GTF2IRD1: variants seen among roughly 807,000 people sequenced by gnomAD.
GTF2IRD1 encodes GTF2I repeat domain containing 1.
A neutral mutation model predicts 113.2 loss-of-function variants in GTF2IRD1; 26 were observed. That is an observed-to-expected ratio of 0.23 (90% CI 0.17 to 0.32). The LOEUF is 0.32. GTF2IRD1 is among the 10% of genes least tolerant of loss of function. GTF2IRD1 has a pLI of 1.00. For missense variants in GTF2IRD1, 864 were observed against 1,280.8 expected (o/e 0.67, Z 4.97); for synonymous variants, 484 against 529.1 (o/e 0.91, Z 1.17).
intron 22 of GTF2IRD1, among the ~76,000 whole-genome samples, chr7:74,566,436 G>A (rs1398841053): frequency 2.0e-5 from 3 of 152,134 alleles, no homozygotes; most frequent in African/African-American, 4.8e-5. Context: ...TCCGCCTCCC[G>A]AGTTCAAGCA....
At chr7:74,516,795 C>A (rs587649208) in intron 4 of GTF2IRD1, among the ~76,000 whole-genome samples, 2 of 152,284 alleles carry the variant, frequency 1.3e-5, no homozygotes, top group Non-Finnish European at 2.9e-5. Context: ...CCCTGGCCCC[C>A]CTTGTCCACT....
In GTF2IRD1 at chr7:74,519,667, G is replaced by A; in HGVS notation, c.864G>A (p.Arg288=). 1 of 1,603,180 alleles carries A rather than the reference G, an allele frequency of 6.2e-7. No individual in the cohort carries two copies. Among genetic ancestry groups the A allele is most frequent in the Non-Finnish European group, 8.5e-7 (1 of 1,175,464 alleles). Residue 288 remains arginine (R), a synonymous_variant, in exon 6 of 27, where the codon CGG becomes CGA. Coordinates refer to ENST00000424337, the MANE Select transcript of GTF2IRD1 (RefSeq NM_005685.4). ...PLAPSDLGLS[R]PMPEPKATGA... ...CCCCCAGCGACCTGGGCCTGAGTCG[G>A]CCCATGCCAGAGCCCAAGGCCACCG...
At chr7:74,576,132 C>T (rs968309633) in intron 22 of GTF2IRD1, among the ~76,000 whole-genome samples, 3 of 151,880 alleles carry the variant, frequency 2.0e-5, no homozygotes, top group Non-Finnish European at 4.4e-5. Flanking sequence ...TGAACTCCAG[C>T]GTGGGAAACA....
intron 25 of GTF2IRD1, among the ~76,000 whole-genome samples, chr7:74,596,809 T>TC (rs782228978): frequency 1.4e-4 from 22 of 152,068 alleles, no homozygotes; most frequent in Non-Finnish European, 2.1e-4. Flanking sequence ...TTTTCTCCCA[T>TC]CCAAGTACTA....
At position 74,601,317 on chromosome 7, in the gene GTF2IRD1, G is replaced by A. The variant is rs187319479; in HGVS notation, c.2766+137G>A. On this transcript the variant is annotated intron_variant, in intron 26 of 26. Transcript: ENST00000424337. ...CTTTGAGTGGGGACCTTCCGGCCTCGGGGGTTATAGATGCATCCACCTGTC... is the reference window on the plus strand; with the variant it reads ...CTTTGAGTGGGGACCTTCCGGCCTCAGGGGTTATAGATGCATCCACCTGTC... The A allele has an allele frequency of 7.0e-5, 108 of 1,541,060 alleles. No homozygotes were observed. In the African/African-American group the frequency reaches 8.5e-4, roughly 12 times the overall value.
At chr7:74,507,198 G>A (rs1796342312) in intron 1 of GTF2IRD1, 1 of 148,760 alleles carries the variant, frequency 6.7e-6, no homozygotes, top group African/African-American at 2.6e-5. Flanking sequence ...GATGAGGCTG[G>A]GTGAGTGGCT....
intron 24 of GTF2IRD1, among the ~76,000 whole-genome samples, chr7:74,593,885 C>T (rs1802232183): frequency 6.6e-6 from 1 of 150,684 alleles, no homozygotes. Flanking sequence ...GCCTGGGCGA[C>T]AGAGTAAGAT....
Position 74,454,133 on chromosome 7 carries a change from G to T in GTF2IRD1, c.-50G>T, listed in dbSNP as rs1419292775. ...GGAGGCTGAGTCCTGGCCGCGGGCC[G>T]GGGCCGGGGCGCCGCTGGCAGGAGC... On this transcript the variant is annotated 5_prime_UTR_variant, in exon 1 of 27. Coordinates refer to ENST00000424337, the MANE Select transcript of GTF2IRD1 (RefSeq NM_005685.4). 6.6e-6 allele frequency: 1 copy of T among 151,464 alleles called. No homozygotes were observed. The highest frequency in any genetic ancestry group is 1.5e-5 in the Non-Finnish European group (1 of 67,906). The allele number at this position is 151,464 out of a possible 1,614,324, so 9.4% of individuals were successfully genotyped here. A position where few individuals can be genotyped will look rare whatever the true frequency, so the allele number is the denominator to read the frequency against.
chr7:74,540,677 G>A (rs1554351486), intron 14 of GTF2IRD1, among the ~76,000 whole-genome samples: 2 of 151,918 alleles, frequency 1.3e-5, no homozygotes, highest in African/African-American at 4.8e-5. Flanking sequence ...GGCAGGGTAA[G>A]GTGGCTCGTG....
chr7:74,593,058 T>C (rs1254484947), intron 24 of GTF2IRD1, among the ~76,000 whole-genome samples: 1 of 149,998 alleles, frequency 6.7e-6, no homozygotes, highest in Non-Finnish European at 1.5e-5. Flanking sequence ...GTTTTCACCA[T>C]GTTGGCCAGG....
chr7:74,508,864 G>A (rs921107531), intron 2 of GTF2IRD1, among the ~76,000 whole-genome samples: 3 of 152,212 alleles, frequency 2.0e-5, no homozygotes, highest in Middle Eastern at 3.4e-3. Flanking sequence ...CTAGAAAGAT[G>A]TAATCCCCAA....
At chr7:74,575,802 T>C (rs1306880252) in intron 22 of GTF2IRD1, among the ~76,000 whole-genome samples, 1 of 152,058 alleles carries the variant, frequency 6.6e-6, no homozygotes, top group Non-Finnish European at 1.5e-5. Flanking sequence ...CAGTCGAAGT[T>C]GGAAGCAAGT....
Position 74,488,859 on chromosome 7 carries a change from T to C in GTF2IRD1, c.-6-19216T>C, listed in dbSNP as rs1013210820. Among the ~76,000 whole-genome samples the C allele has an allele frequency of 5.5e-4, 83 of 150,822 alleles. 1 individual carries two copies. Among genetic ancestry groups the C allele is most frequent in the Non-Finnish European group, 3.0e-5 (2 of 67,664 alleles). ...AGAGTGCCTTAAGAAATATGGACTT[T>C]TGCCTGGGCGCGGTGGTTCATTCCT... is the stretch of plus-strand genomic sequence containing the variant. On this transcript the variant is annotated intron_variant, in intron 1 of 26. Transcript: ENST00000424337.
intron 1 of GTF2IRD1, among the ~76,000 whole-genome samples, chr7:74,454,633 C>T (rs1395355982): frequency 6.6e-6 from 1 of 152,040 alleles, no homozygotes; most frequent in Non-Finnish European, 1.5e-5. Context: ...CTGGCCCGCG[C>T]CCCCAACTCC....
At chr7:74,463,998 A>T (rs975383195) in intron 1 of GTF2IRD1, among the ~76,000 whole-genome samples, 3 of 152,150 alleles carry the variant, frequency 2.0e-5, no homozygotes, top group Non-Finnish European at 4.4e-5. Context: ...TGCTGGAATT[A>T]CAGGTGTGAG....
chr7:74,601,087 G>A lies in GTF2IRD1; in HGVS notation c.2673G>A (p.Ser891=), dbSNP rs782163918. Residue 891 remains serine (S), a synonymous_variant, in exon 26 of 27, where the codon TCG becomes TCA. Coordinates refer to ENST00000424337, the MANE Select transcript of GTF2IRD1 (RefSeq NM_005685.4). ...CCAAGCGCAAGAGAAAGCGGGTCTC[G>A]GAAGGAAATTCCGTCTCCTCTTCCT... The part of the protein sequence containing the change: ...SIPKRKRKRV[S]EGNSVSSSSS... 1.5e-5 allele frequency: 25 copies of A among 1,613,960 alleles called. No individual in the cohort carries two copies. The highest frequency in any genetic ancestry group is 2.0e-5 in the Non-Finnish European group (24 of 1,180,018).
Position 74,602,465 on chromosome 7 carries a change from A to G in GTF2IRD1, c.*32A>G, listed in dbSNP as rs782467039. On this transcript the variant is annotated 3_prime_UTR_variant, in exon 27 of 27. Coordinates refer to ENST00000424337, the MANE Select transcript of GTF2IRD1 (RefSeq NM_005685.4). Reference sequence around the variant, plus strand: ...GTACTGAATCAGGACCTCACTCAGAAAGACTAAAGGAAATGTAATTTATGT... The same window carrying G: ...GTACTGAATCAGGACCTCACTCAGAGAGACTAAAGGAAATGTAATTTATGT... The G allele has an allele frequency of 1.3e-6, 2 of 1,571,860 alleles. No homozygotes were observed. The highest frequency in any genetic ancestry group is 1.7e-6 in the Non-Finnish European group (2 of 1,143,876).
chr7:74,495,797 C>T (rs1247476002), intron 1 of GTF2IRD1, among the ~76,000 whole-genome samples: 9 of 152,204 alleles, frequency 5.9e-5, no homozygotes, highest in Admixed American at 5.9e-4. Flanking sequence ...AAGGCCCACC[C>T]AGGGGCCTGC....
intron 1 of GTF2IRD1, among the ~76,000 whole-genome samples, chr7:74,507,834 G>T (rs144745973): frequency 6.6e-6 from 1 of 152,202 alleles, no homozygotes; most frequent in Non-Finnish European, 1.5e-5. Flanking sequence ...GCTGGGCTCA[G>T]CTTGGGTGTG....
Sources: allele counts gnomAD v4.1 joint callset (sites outside exome capture counted in the v4.1 genomes callset), GRCh38; gene constraint gnomAD v4.1.1; transcripts MANE v1.5; gene names NCBI Gene and HGNC (gene_info 2026-07-23, HGNC 2026-07-21).